ITPR2: variants seen among roughly 807,000 people sequenced by gnomAD.
ITPR2 encodes the protein inositol 1,4,5-trisphosphate-gated calcium channel ITPR2.
In ITPR2, 207 loss-of-function variants were observed where a neutral mutation model predicts 317.1. The observed-to-expected ratio is 0.65, with a 90% CI of 0.58 to 0.73. The LOEUF is 0.73. Ranked by LOEUF, ITPR2 falls within the 30% of genes least tolerant of loss-of-function variation. ITPR2 has a pLI of 0.00. For synonymous variants in ITPR2, 1,156 were observed against 1,149.1 expected (o/e 1.01, Z -0.12); for missense variants, 2,613 against 3,284.0 (o/e 0.80, Z 4.99).
At chr12:26,618,532 G>C (rs1234948383) in intron 26 of ITPR2, among the ~76,000 whole-genome samples, 1 of 152,192 alleles carries the variant, frequency 6.6e-6, no homozygotes, top group Non-Finnish European at 1.5e-5. Flanking sequence ...GGGAAAGTGA[G>C]AAAAACACCC....
intron 1 of ITPR2, among the ~76,000 whole-genome samples, chr12:26,810,462 G>C (rs936511203): frequency 6.6e-6 from 1 of 152,090 alleles, no homozygotes; most frequent in South Asian, 2.1e-4. Context: ...AGCACAGCCC[G>C]GCTCAGACAT....
intron 21 of ITPR2, among the ~76,000 whole-genome samples, chr12:26,639,831 T>C (rs964946890): frequency 3.9e-5 from 6 of 152,080 alleles, no homozygotes; most frequent in African/African-American, 1.4e-4. Flanking sequence ...TAGTATTCCA[T>C]GGTGTATATG....
intron 49 of ITPR2, among the ~76,000 whole-genome samples, chr12:26,422,070 A>C (rs1940913199): frequency 6.6e-6 from 1 of 151,018 alleles, no homozygotes; most frequent in Non-Finnish European, 1.5e-5. Context: ...ATTTAATTAA[A>C]TTATCTATTT....
intron 54 of ITPR2, 134 bp from the exon 55 acceptor site, chr12:26,387,728 G>T: frequency 1.3e-6 from 1 of 767,574 alleles, no homozygotes; most frequent in Non-Finnish European, 2.0e-6. Flanking sequence ...AAAATGCTAT[G>T]ATTAAAAACA....
intron 37 of ITPR2, among the ~76,000 whole-genome samples, chr12:26,499,639 ATATTATCCAGATC>A (rs1264679008): frequency 6.6e-6 from 1 of 152,206 alleles, no homozygotes; most frequent in Non-Finnish European, 1.5e-5. Flanking sequence ...GCTAGTATTA[ATATTATCCAGATC>A]ATGGGAACAG....
At chr12:26,690,627 T>C (rs1341880136) in intron 10 of ITPR2, among the ~76,000 whole-genome samples, 6 of 152,192 alleles carry the variant, frequency 3.9e-5, no homozygotes, top group African/African-American at 1.4e-4. Flanking sequence ...TGAAATAAAT[T>C]TTCTAGACTT....
intron 2 of ITPR2, among the ~76,000 whole-genome samples, chr12:26,756,590 T>C (rs574002181): frequency 4.0e-4 from 61 of 152,360 alleles, no homozygotes; most frequent in African/African-American, 1.4e-3. Context: ...ATATTGCCTC[T>C]TGTCGGAACT....
chr12:26,606,567 C>G, intron 26 of ITPR2, among the ~76,000 whole-genome samples: 1 of 142,150 alleles, frequency 7.0e-6, no homozygotes, highest in African/African-American at 2.6e-5. Flanking sequence ...TTGCATCAGG[C>G]AAGGAAACTT....
intron 45 of ITPR2, among the ~76,000 whole-genome samples, chr12:26,451,453 G>A (rs896138857): frequency 7.3e-5 from 11 of 151,110 alleles, no homozygotes; most frequent in African/African-American, 2.7e-4. Flanking sequence ...AGTACTGAAG[G>A]AGCGACCCTA....
chr12:26,564,243 A>G (rs573108484), intron 34 of ITPR2, among the ~76,000 whole-genome samples: 18 of 152,366 alleles, frequency 1.2e-4, no homozygotes, highest in African/African-American at 4.3e-4. Context: ...AAAGAGGGTA[A>G]ACCCAGGAAT....
intron 37 of ITPR2, among the ~76,000 whole-genome samples, chr12:26,545,438 G>A (rs950127359): frequency 6.6e-6 from 1 of 152,124 alleles, no homozygotes; most frequent in Non-Finnish European, 1.5e-5. Context: ...TTTAAAGATA[G>A]GGGATGGGGC....
At chr12:26,489,239 G>T (rs1053299514) in intron 39 of ITPR2, among the ~76,000 whole-genome samples, 1 of 152,168 alleles carries the variant, frequency 6.6e-6, no homozygotes, top group Non-Finnish European at 1.5e-5. Flanking sequence ...AGTGTAAGGG[G>T]AAAGAAACTC....
chr12:26,829,379 G>A (rs899407604), intron 1 of ITPR2, among the ~76,000 whole-genome samples: 3 of 151,862 alleles, frequency 2.0e-5, no homozygotes, highest in African/African-American at 7.3e-5. Flanking sequence ...CACCCAGGCT[G>A]GAGTGCAATG....
At chr12:26,506,108 C>A (rs959334400) in intron 37 of ITPR2, among the ~76,000 whole-genome samples, 2 of 151,678 alleles carry the variant, frequency 1.3e-5, no homozygotes, top group African/African-American at 4.8e-5. Flanking sequence ...CTGGCTCATG[C>A]CTGTAATCCC....
intron 37 of ITPR2, among the ~76,000 whole-genome samples, chr12:26,517,145 A>C (rs1177246174): frequency 2.6e-5 from 4 of 152,112 alleles, no homozygotes; most frequent in African/African-American, 9.7e-5. Flanking sequence ...AAAAATTCTA[A>C]AGAGAATTTC....
intron 37 of ITPR2, among the ~76,000 whole-genome samples, chr12:26,509,960 G>T (rs971738884): frequency 7.7e-5 from 3 of 38,768 alleles, no homozygotes; most frequent in East Asian, 2.2e-3. Flanking sequence ...TAAGGGTTTT[G>T]TGTGTGTGTG....
intron 26 of ITPR2, among the ~76,000 whole-genome samples, chr12:26,603,964 C>G (rs1946061689): frequency 1.3e-5 from 2 of 152,046 alleles, no homozygotes; most frequent in Non-Finnish European, 2.9e-5. Context: ...CCAGAACACC[C>G]TAAACTCCTG....
chr12:26,479,317 T>C (rs1942493711), intron 43 of ITPR2, among the ~76,000 whole-genome samples: 1 of 151,936 alleles, frequency 6.6e-6, no homozygotes, highest in Non-Finnish European at 1.5e-5. Context: ...GTTAATAATA[T>C]CTTTGTGCTG....
In ITPR2 at chr12:26,663,796, C is replaced by T. The variant is rs758328567; in HGVS notation, c.1602G>A (p.Ser534=). The T allele has an allele frequency of 2.5e-6, 4 of 1,613,856 alleles. No homozygotes were observed. The highest frequency in any genetic ancestry group is 3.4e-6 in the Non-Finnish European group (4 of 1,179,922). ...CCCCCAGATCTTCAAGTCTCAGCAT[C>T]GAGCCTTCTCCTGCTTTCTCTTTAA... ...APFKEKAGEG[S]MLRLEDLGDQ... Residue 534 remains serine (S), a synonymous_variant, in exon 15 of 57, where the codon TCG becomes TCA. Coordinates refer to ENST00000381340, the MANE Select transcript of ITPR2 (RefSeq NM_002223.4).
Sources: gnomAD v4.1 joint callset for allele counts (sites outside exome capture counted in the v4.1 genomes callset) on GRCh38, gnomAD v4.1.1 for gene constraint, MANE v1.5 for transcripts, NCBI Gene and HGNC (gene_info 2026-07-23, HGNC 2026-07-21) for gene names.